TNC: variants seen among roughly 807,000 people sequenced by gnomAD.
TNC encodes the protein tenascin.
TNC carries 109 observed loss-of-function variants against 202.4 expected under a neutral mutation model. The ratio of observed to expected loss-of-function variants is 0.54; its 90% CI spans 0.46 to 0.63. TNC has a LOEUF of 0.63. Among genes scored for constraint, TNC ranks in the 30% least tolerant of loss-of-function variants. TNC has a pLI of 0.00. For synonymous variants in TNC, 1,007 were observed against 1,089.7 expected, an observed-to-expected ratio of 0.92 and a Z score of 1.50; for missense variants, 2,756 against 2,833.3, an observed-to-expected ratio of 0.97 and a Z score of 0.62.
At chr9:115,113,675 G>C (rs1031307986) in intron 1 of TNC, among the ~76,000 whole-genome samples, 1 of 152,154 alleles carries the variant, frequency 6.6e-6, no homozygotes, top group Admixed American at 6.5e-5. Context: ...AGTTACCATG[G>C]CTATATCATG....
intron 10 of TNC, among the ~76,000 whole-genome samples, chr9:115,065,311 G>A (rs999673221): frequency 2.0e-5 from 3 of 152,090 alleles, no homozygotes; most frequent in Admixed American, 6.5e-5. Context: ...CAGGAGAATC[G>A]CTTGAACACA....
rs1044208755 is a variant in TNC, at chr9:115,107,534, T to C, written c.-137+10448A>G. On this transcript the variant is annotated intron_variant, in intron 1 of 27. Transcript: ENST00000350763. Reference sequence around the variant, plus strand: ...TCTTACACTAAATGCTTTTTATTCATGCTATCATTTATCTTGTCATTTGTC... The same window carrying C: ...TCTTACACTAAATGCTTTTTATTCACGCTATCATTTATCTTGTCATTTGTC... 3.3e-5 allele frequency among the ~76,000 whole-genome samples: 5 copies of C among 152,232 alleles called. No homozygotes were observed. In the South Asian group the frequency reaches 6.2e-4, roughly 19 times the overall value.
In TNC at chr9:115,073,865, C is replaced by A. The variant is rs1189112293; in HGVS notation, c.2952G>T (p.Glu984Asp). The A allele has an allele frequency of 3.1e-6, 5 of 1,608,170 alleles. No individual in the cohort carries two copies. The highest frequency in any genetic ancestry group is 3.4e-6 in the Non-Finnish European group (4 of 1,179,884). ...SNPATINAAT[E>D]LDTPKDLQVS... is the part of the protein sequence containing the mutation. ...CCTGAAGGTCCTTGGGCGTGTCCAA[C>A]TCTGGGAGGAGAACAGAGAGATGAA... is the stretch of plus-strand genomic sequence containing the variant. The change falls in exon 10 of 28, where the codon GAG (glutamate) becomes GAT (aspartate). Residue 984 changes from glutamate (E) to aspartate (D), a missense_variant and splice_region_variant. Physicochemically the swap from Glu to Asp is conservative, Grantham distance 45 (BLOSUM62 2). Transcript: ENST00000350763.
intron 1 of TNC, among the ~76,000 whole-genome samples, chr9:115,104,368 G>T (rs192391175): frequency 6.6e-6 from 1 of 152,228 alleles, no homozygotes; most frequent in African/African-American, 2.4e-5. Context: ...TTCTGAATAG[G>T]GGTCTGTGAG....
chr9:115,112,807 T>C (rs987030034), intron 1 of TNC: 10 of 152,392 alleles, frequency 6.6e-5, no homozygotes, highest in African/African-American at 2.4e-4. Flanking sequence ...TACAGTCCAG[T>C]GTGGCAGGGA....
chr9:115,048,061 A>T (rs907341430), intron 16 of TNC, among the ~76,000 whole-genome samples, 199 bp downstream of exon 16: 1 of 152,134 alleles, frequency 6.6e-6, no homozygotes, highest in African/African-American at 2.4e-5. Context: ...CGACCTTCTC[A>T]TTTCTGGGGT....
At chr9:115,058,475 G>A (rs1832297397) in intron 14 of TNC, among the ~76,000 whole-genome samples, 1 of 152,212 alleles carries the variant, frequency 6.6e-6, no homozygotes, top group Admixed American at 6.5e-5. Flanking sequence ...AAGATCAGAA[G>A]TGGTGGGTGA....
At chr9:115,085,703 C>A (rs964376547) in intron 3 of TNC, among the ~76,000 whole-genome samples, 161 bp downstream of exon 3, 2 of 152,164 alleles carry the variant, frequency 1.3e-5, no homozygotes, top group African/African-American at 4.8e-5. Flanking sequence ...GACAGGGCCC[C>A]CTTAAAAAGT....
At chr9:115,038,178 T>C (rs932989861) in intron 20 of TNC, 83 bp downstream of exon 20, 1 of 1,532,358 alleles carries the variant, frequency 6.5e-7, no homozygotes, top group Non-Finnish European at 8.8e-7. Flanking sequence ...GTACCAAATG[T>C]GGCAGGGAGA....
intron 1 of TNC, among the ~76,000 whole-genome samples, chr9:115,092,660 G>A (rs529431525): frequency 7.2e-5 from 11 of 152,016 alleles, no homozygotes; most frequent in East Asian, 1.9e-4. Context: ...TGCAACTTCC[G>A]CCTCCCAGGT....
chr9:115,063,741 C>G, intron 12 of TNC, 55 bp downstream of exon 12: 1 of 1,557,878 alleles, frequency 6.4e-7, no homozygotes, highest in Non-Finnish European at 8.7e-7. Context: ...TGCTTTGATT[C>G]CTCCCGAGCA....
intron 17 of TNC, among the ~76,000 whole-genome samples, chr9:115,043,733 G>GAAAA (rs1192465070): frequency 2.9e-5 from 3 of 105,226 alleles, no homozygotes; most frequent in African/African-American, 9.0e-5. Context: ...GTCTAACTGG[G>GAAAA]AAAAAACAAA....
chr9:115,042,401 G>T, intron 17 of TNC, 60 bp from the exon 18 acceptor site: 1 of 1,591,700 alleles, frequency 6.3e-7, no homozygotes, highest in Non-Finnish European at 8.6e-7. Context: ...TTCATCAATG[G>T]TTCTTCCTGA....
At chr9:115,092,879 C>A (rs1170355182) in intron 1 of TNC, among the ~76,000 whole-genome samples, 1 of 152,086 alleles carries the variant, frequency 6.6e-6, no homozygotes, top group East Asian at 1.9e-4. Flanking sequence ...AGCCACCGTG[C>A]CTGGCTGCTA....
chr9:115,031,080 G>A (rs574184917), intron 23 of TNC, among the ~76,000 whole-genome samples: 192 of 152,316 alleles, frequency 1.3e-3, no homozygotes, highest in African/African-American at 4.6e-3. Context: ...GATTTTGAAT[G>A]TGGACAGGTT....
At chr9:115,032,039 A>G (rs187382927) in intron 22 of TNC, among the ~76,000 whole-genome samples, 28 of 152,318 alleles carry the variant, frequency 1.8e-4, no homozygotes, top group Non-Finnish European at 2.8e-4. Context: ...TGGGATTGTA[A>G]TGGTTAATTT....
chr9:115,052,807 G>A (rs144835939), intron 15 of TNC: 151 of 702,624 alleles, frequency 2.1e-4, no homozygotes, highest in Middle Eastern at 1.8e-3. Flanking sequence ...CCACACTGAC[G>A]TCATAGCCAG....
intron 4 of TNC, among the ~76,000 whole-genome samples, chr9:115,083,985 T>C (rs1479285693): frequency 1.3e-5 from 2 of 152,232 alleles, no homozygotes; most frequent in Non-Finnish European, 2.9e-5. Flanking sequence ...ATGTTACTTG[T>C]AATGATTTTC....
At chr9:115,038,971 G>A (rs1175621404) in intron 19 of TNC, among the ~76,000 whole-genome samples, 1 of 152,162 alleles carries the variant, frequency 6.6e-6, no homozygotes, top group Non-Finnish European at 1.5e-5. Context: ...GGGATTGCAG[G>A]TGTGCACCAC....
Sources: allele counts gnomAD v4.1 joint callset (sites outside exome capture counted in the v4.1 genomes callset), GRCh38; gene constraint gnomAD v4.1.1; transcripts MANE v1.5; gene names NCBI Gene and HGNC (gene_info 2026-07-23, HGNC 2026-07-21).